TAF4B: variants seen among roughly 807,000 people sequenced by gnomAD.
TAF4B encodes TATA-box binding protein associated factor 4b, also known as transcription initiation factor TFIID subunit 4B.
A neutral mutation model predicts 86.4 loss-of-function variants in TAF4B; 38 were observed. The observed-to-expected ratio is 0.44, with a 90% CI of 0.34 to 0.58. TAF4B has a LOEUF of 0.58. TAF4B is among the 20% of genes least tolerant of loss of function. The probability of loss-of-function intolerance (pLI) is 0.02; values close to 1 mark genes in which losing one functional copy is unlikely to be tolerated. For missense variants in TAF4B, 988 were observed against 1,027.6 expected (o/e 0.96, Z 0.53); for synonymous variants, 388 against 391.2 (o/e 0.99, Z 0.10).
At chr18:26,254,581 C>A (rs527503215) in intron 1 of TAF4B, among the ~76,000 whole-genome samples, 2 of 152,158 alleles carry the variant, frequency 1.3e-5, no homozygotes, top group South Asian at 4.2e-4. Flanking sequence ...AGAAATGTGC[C>A]CCAAGAAGCA....
Position 26,226,911 on chromosome 18 carries a change from A to G in TAF4B, c.-23A>G. 7.4e-7 allele frequency: 1 copy of G among 1,349,258 alleles called. No individual in the cohort carries two copies. The highest frequency in any genetic ancestry group is 9.4e-7 in the Non-Finnish European group (1 of 1,058,438). The allele number at this position is 1,349,258 out of a possible 1,614,324, so 83.6% of individuals were successfully genotyped here. On this transcript the variant is annotated 5_prime_UTR_variant, in exon 1 of 15. Transcript: ENST00000269142. ...TCTGCTCCCGGAACCGCAGCGCCAA[A>G]GCTGCCGCTGAGCCCCTGGGGGATG...
chr18:26,364,125 C>G (rs1398440966), intron 14 of TAF4B, among the ~76,000 whole-genome samples: 1 of 151,930 alleles, frequency 6.6e-6, no homozygotes, highest in Admixed American at 6.6e-5. Flanking sequence ...ATATATTAAC[C>G]TAGCCTTTGG....
chr18:26,294,401 CTTAT>C (rs1364391427), intron 9 of TAF4B, among the ~76,000 whole-genome samples: 5 of 151,696 alleles, frequency 3.3e-5, no homozygotes, highest in Admixed American at 3.3e-4. Context: ...TATTTTTGTG[CTTAT>C]TTGTTATTTA....
chr18:26,378,374 C>T (rs1297870287), intron 14 of TAF4B, among the ~76,000 whole-genome samples: 1 of 152,096 alleles, frequency 6.6e-6, no homozygotes, highest in Non-Finnish European at 1.5e-5. Flanking sequence ...AATTTACAAA[C>T]ATCTTTTCAC....
chr18:26,252,676 A>G (rs1199772995), intron 1 of TAF4B, among the ~76,000 whole-genome samples: 3 of 152,072 alleles, frequency 2.0e-5, no homozygotes, highest in East Asian at 1.9e-4. Flanking sequence ...CTTGACTGTT[A>G]TAGTACACAG....
In TAF4B at chr18:26,327,106, T is replaced by C. The variant is rs2057010688; in HGVS notation, c.2225T>C (p.Leu742Ser). The C allele has an allele frequency of 6.2e-7, 1 of 1,613,424 alleles. No homozygotes were observed. Among genetic ancestry groups the C allele is most frequent in the Non-Finnish European group, 8.5e-7 (1 of 1,179,844 alleles). ...LDQLEKQRKD[L>S]EEREMLLKAA... ...CAATTGGAGAAGCAGAGAAAGGATT[T>C]GGAAGAAAGAGAAATGTTACTTAAG... Residue 742 changes from leucine to serine, a missense_variant, in exon 12 of 15, where the codon TTG becomes TCG. Around this residue, in one of 3 missense-constraint regions of TAF4B, gnomAD observed 216 missense variants for 238.4 expected, o/e 0.91. Transcript: ENST00000269142.
chr18:26,310,214 G>T (rs1195540706), intron 9 of TAF4B, among the ~76,000 whole-genome samples: 6 of 152,186 alleles, frequency 3.9e-5, no homozygotes, highest in African/African-American at 1.4e-4. Flanking sequence ...TTTTCTTAGT[G>T]TGGTCCTTAG....
At chr18:26,365,163 C>T (rs1262356283) in intron 14 of TAF4B, among the ~76,000 whole-genome samples, 1 of 151,954 alleles carries the variant, frequency 6.6e-6, no homozygotes, top group Non-Finnish European at 1.5e-5. Context: ...CATGCCACCA[C>T]ACCCAGCTAA....
chr18:26,286,010 GACA>G lies in TAF4B; in HGVS notation c.1104_1106del (p.Thr370del), dbSNP rs1302473845. ...CAACAGTAACAACTTCTCCTGTGGT[GACA>G]ACTACAGTGTCCTCAAGCCAGTCTG... On this transcript the variant is annotated inframe_deletion, in exon 7 of 15. Transcript: ENST00000269142. 1.2e-6 allele frequency: 2 copies of G among 1,614,072 alleles called. No individual in the cohort carries two copies. The highest frequency in any genetic ancestry group is 2.7e-5 in the African/African-American group (2 of 74,930).
At chr18:26,326,985 T>C (rs771914721) in intron 11 of TAF4B, 30 bp from the exon 12 acceptor site, 5 of 1,606,118 alleles carry the variant, frequency 3.1e-6, no homozygotes. Context: ...AGGATCATTA[T>C]AAGACTTTCT....
chr18:26,257,238 A>C lies in TAF4B; in HGVS notation c.344-7932A>C, dbSNP rs1429447153. On this transcript the variant is annotated intron_variant, in intron 1 of 14. Coordinates refer to ENST00000269142, the MANE Select transcript of TAF4B (RefSeq NM_005640.3). Reference sequence around the variant, plus strand: ...TTTTCCTTTTATCACTTTTTGCTTCATGTATTTTAGGCTCTGTGTGTGAGG... The same window carrying C: ...TTTTCCTTTTATCACTTTTTGCTTCCTGTATTTTAGGCTCTGTGTGTGAGG... Among the ~76,000 whole-genome samples, 5 of 152,244 alleles carry C rather than the reference A, an allele frequency of 3.3e-5. No individual in the cohort carries two copies. In the East Asian group the frequency reaches 9.7e-4, roughly 29 times the overall value.
At chr18:26,227,506 C>CG (rs1179516863) in intron 1 of TAF4B, among the ~76,000 whole-genome samples, 1 of 152,106 alleles carries the variant, frequency 6.6e-6, no homozygotes, top group African/African-American at 2.4e-5. Context: ...TCAGCGTATT[C>CG]GGGGGGGCTT....
rs1330759714 is a variant in TAF4B at position 26,327,292 on chromosome 18, A to T, written c.2259+152A>T. ...ATTACTAATAGGATGTCTCACAGCC[A>T]GGATGGTGTGGTGGCTTTCAGTTAA... On this transcript the variant is annotated intron_variant, in intron 12 of 14. Transcript: ENST00000269142. The T allele has an allele frequency of 3.1e-6, 3 of 955,942 alleles. No individual in the cohort carries two copies. The African/African-American group carries it at 4.9e-5, about 16-fold the overall frequency. 59.2% of individuals were successfully genotyped at this position (955,942 alleles called of 1,614,324 possible). A position where few individuals can be genotyped will look rare whatever the true frequency, so the allele number is the denominator to read the frequency against.
chr18:26,362,324 C>A (rs2144314460), intron 14 of TAF4B, among the ~76,000 whole-genome samples: 1 of 152,232 alleles, frequency 6.6e-6, no homozygotes, highest in South Asian at 2.1e-4. Context: ...AATGAATTGT[C>A]ATATTTGTAA....
At chr18:26,364,032 A>C (rs2057350946) in intron 14 of TAF4B, among the ~76,000 whole-genome samples, 1 of 152,238 alleles carries the variant, frequency 6.6e-6, no homozygotes, top group African/African-American at 2.4e-5. Context: ...TGGAGAAATT[A>C]GTTTTAGACC....
Position 26,227,159 on chromosome 18 carries a change from G to C in TAF4B, c.226G>C (p.Val76Leu). Reference sequence around the variant, plus strand: ...GACCCTGGTGACCAAAGTGGCTCCGGTCAGCGCCCCTCCTAAAGTCAGCAG... The same window carrying C: ...GACCCTGGTGACCAAAGTGGCTCCGCTCAGCGCCCCTCCTAAAGTCAGCAG... ...VGTLVTKVAP[V>L]SAPPKVSSGP... Residue 76 changes from valine to leucine, a missense_variant, in exon 1 of 15, where the codon GTC becomes CTC. Physicochemically the swap from Val to Leu is conservative, Grantham distance 32 (BLOSUM62 1). Coordinates refer to ENST00000269142, the MANE Select transcript of TAF4B (RefSeq NM_005640.3). The C allele has an allele frequency of 6.2e-7, 1 of 1,614,142 alleles. No individual in the cohort carries two copies. Among genetic ancestry groups the C allele is most frequent in the Non-Finnish European group, 8.5e-7 (1 of 1,180,008 alleles).
intron 12 of TAF4B, 33 bp downstream of exon 12, chr18:26,327,173 G>A: frequency 6.2e-7 from 1 of 1,600,642 alleles, no homozygotes; most frequent in Non-Finnish European, 8.5e-7. Flanking sequence ...AGTGAATGTG[G>A]CCTGGCAGTG....
At chr18:26,262,731 T>C (rs969763938) in intron 1 of TAF4B, among the ~76,000 whole-genome samples, 1 of 152,186 alleles carries the variant, frequency 6.6e-6, no homozygotes, top group African/African-American at 2.4e-5. Context: ...TCTGCCTGCC[T>C]TGGCCTCCCA....
intron 1 of TAF4B, among the ~76,000 whole-genome samples, chr18:26,227,743 C>T (rs1037641567): frequency 1.3e-5 from 2 of 152,220 alleles, no homozygotes; most frequent in Admixed American, 1.3e-4. Context: ...CGTCGAACTC[C>T]TGGGCCCAAT....
Sources: allele counts gnomAD v4.1 joint callset (sites outside exome capture counted in the v4.1 genomes callset), GRCh38; gene constraint gnomAD v4.1.1; regional missense constraint gnomAD v4.1.1; transcripts MANE v1.5; gene names NCBI Gene and HGNC (gene_info 2026-07-23, HGNC 2026-07-21).